NPBWR1: variants seen among roughly 807,000 people sequenced by gnomAD.
NPBWR1 encodes the protein neuropeptides B and W receptor 1.
Under a neutral mutation model 2.8 loss-of-function variants are expected in NPBWR1, and 4 were observed. The ratio of observed to expected loss-of-function variants is 1.44; its 90% CI spans 0.71 to 3.29. The LOEUF (loss-of-function observed/expected upper bound fraction) is 3.29, where lower values mean the gene tolerates loss of function less well. Ranked by LOEUF, NPBWR1 falls within the 30% of genes most tolerant of loss-of-function variation. NPBWR1 has a pLI of 0.01. For synonymous variants in NPBWR1, 250 were observed against 224.5 expected (o/e 1.11, Z -1.02); for missense variants, 545 against 462.5 (o/e 1.18, Z -1.64).
Position 52,940,889 on chromosome 8 carries a change from G to A in NPBWR1, c.982G>A (p.Ala328Thr). ...CCAGCTGATAACTTGCCGCGCGGCA[G>A]CCTGACTCCCCCAGCGTCCGGCTCC... The part of the protein sequence containing the change: ...LRQLITCRAA[A>T] Residue 328 changes from alanine (A) to threonine (T), a missense_variant, in exon 2 of 2, where the codon GCC becomes ACC. Coordinates refer to ENST00000674939, the MANE Select transcript of NPBWR1 (RefSeq NM_005285.5). 6.3e-7 allele frequency: 1 copy of A among 1,597,688 alleles called. No homozygotes were observed. The highest frequency in any genetic ancestry group is 8.5e-7 in the Non-Finnish European group (1 of 1,172,452).
chr8:52,940,361 T>G lies in NPBWR1; in HGVS notation c.454T>G (p.Tyr152Asp), dbSNP rs754266028. The change falls in exon 2 of 2, where the codon TAC (tyrosine) becomes GAC (aspartate). Residue 152 changes from tyrosine to aspartate, a missense_variant. Coordinates refer to ENST00000674939, the MANE Select transcript of NPBWR1 (RefSeq NM_005285.5). ...AESRRVAGRT[Y>D]SAARAVSLAV... ...GTCGCGCCGGGTGGCCGGCCGCACC[T>G]ACAGCGCCGCGCGCGCGGTGAGCCT... The G allele has an allele frequency of 1.2e-6, 2 of 1,606,408 alleles. No homozygotes were observed. The highest frequency in any genetic ancestry group is 8.5e-7 in the Non-Finnish European group (1 of 1,178,836).
At position 52,939,930 on chromosome 8, in the gene NPBWR1, A is replaced by G. The variant is rs1460788756; in HGVS notation, c.23A>G (p.Glu8Gly). The G allele has an allele frequency of 3.2e-6, 5 of 1,554,468 alleles. No homozygotes were observed. Among genetic ancestry groups the G allele is most frequent in the Middle Eastern group, 2.0e-4 (1 of 5,022 alleles). MDNASFSEPWPANASGPD... is the reference protein window; with the variant it reads MDNASFSGPWPANASGPD... ...GAGATGGACAACGCCTCGTTCTCGG[A>G]GCCCTGGCCCGCCAACGCATCGGGC... Residue 8 changes from glutamate to glycine, a missense_variant, in exon 2 of 2, where the codon GAG becomes GGG. Transcript: ENST00000674939.
chr8:52,939,949 A>G lies in NPBWR1; in HGVS notation c.42A>G (p.Ala14=). ...ASFSEPWPAN[A]SGPDPALSCS... is the part of the protein sequence containing the mutation. ...TCTCGGAGCCCTGGCCCGCCAACGC[A>G]TCGGGCCCGGACCCGGCGCTGAGCT... The change falls in exon 2 of 2, where the codon GCA becomes GCG. Residue 14 remains alanine, a synonymous_variant. Transcript: ENST00000674939. 3 of 1,577,514 alleles carry G rather than the reference A, an allele frequency of 1.9e-6. No individual in the cohort carries two copies. Among genetic ancestry groups the G allele is most frequent in the Non-Finnish European group, 2.6e-6 (3 of 1,168,176 alleles).
chr8:52,940,780 C>A lies in NPBWR1; in HGVS notation c.873C>A (p.Phe291Leu). The A allele has an allele frequency of 1.2e-6, 2 of 1,614,122 alleles. No individual in the cohort carries two copies. The highest frequency in any genetic ancestry group is 3.3e-4 in the Middle Eastern group (2 of 6,062). Residue 291 changes from phenylalanine (F) to leucine (L), a missense_variant, in exon 2 of 2, where the codon TTC becomes TTA. Transcript: ENST00000674939. ...CGCTGGTCATCGCTATCTCCTACTTCATCACCAGCCTGAGCTACGCCAACA... is the reference window on the plus strand; with the variant it reads ...CGCTGGTCATCGCTATCTCCTACTTAATCACCAGCCTGAGCTACGCCAACA... ...QTPLVIAISYFITSLSYANSC... is the reference protein window; with the variant it reads ...QTPLVIAISYLITSLSYANSC...
At position 52,942,687 on chromosome 8, in the gene NPBWR1, T is replaced by C. The variant is rs1354637164; in HGVS notation, c.*1793T>C. ...AAACCCCCTCTCTAATTTTGGTGAA[T>C]AAGAATTGCTTTCTTAGCTCTCAGA... On this transcript the variant is annotated 3_prime_UTR_variant, in exon 2 of 2. Coordinates refer to ENST00000674939, the MANE Select transcript of NPBWR1 (RefSeq NM_005285.5). Among the ~76,000 whole-genome samples the C allele has an allele frequency of 1.3e-5, 2 of 152,216 alleles. No homozygotes were observed. Among genetic ancestry groups the C allele is most frequent in the East Asian group, 3.9e-4 (2 of 5,194 alleles).
In NPBWR1 at chr8:52,940,628, G is replaced by T; in HGVS notation, c.721G>T (p.Ala241Ser). Residue 241 changes from alanine (A) to serine (S), a missense_variant, in exon 2 of 2, where the codon GCC (alanine) becomes TCC (serine). Coordinates refer to ENST00000674939, the MANE Select transcript of NPBWR1 (RefSeq NM_005285.5). ...HAMRLDSHAK[A>S]LERAKKRVTF... ...CATGCGGCTGGACAGCCACGCCAAG[G>T]CCCTGGAGCGCGCCAAGAAGCGGGT... 6.2e-7 allele frequency: 1 copy of T among 1,608,554 alleles called. No individual in the cohort carries two copies. The highest frequency in any genetic ancestry group is 8.5e-7 in the Non-Finnish European group (1 of 1,178,758).
chr8:52,939,587 G>A, intron 1 of NPBWR1, 124 bp from the exon 2 acceptor site: 1 of 361,160 alleles, frequency 2.8e-6, no homozygotes, highest in Non-Finnish European at 4.9e-6. Context: ...ACAGGTAGCA[G>A]AGAGCGCTCA....
Position 52,941,441 on chromosome 8 carries a change from C to T in NPBWR1, c.*547C>T, listed in dbSNP as rs978490885. Among the ~76,000 whole-genome samples the T allele has an allele frequency of 6.6e-6, 1 of 152,178 alleles. No homozygotes were observed. The highest frequency in any genetic ancestry group is 2.4e-5 in the African/African-American group (1 of 41,458). ...GTTTGGCGCCCACCCCTGTGAGACC[C>T]GCTTGGCCTGGCGCCGCGGGCGGGG... On this transcript the variant is annotated 3_prime_UTR_variant, in exon 2 of 2. Transcript: ENST00000674939.
rs959837906 is a variant in NPBWR1, at chr8:52,942,657, G to A, written c.*1763G>A. The stretch of plus-strand genomic sequence containing the variant: ...AAAAAACTCCCCCTTGGAATGGGGG[G>A]AAGCAAACCCCCTCTCTAATTTTGG... On this transcript the variant is annotated 3_prime_UTR_variant, in exon 2 of 2. Transcript: ENST00000674939. Among the ~76,000 whole-genome samples, 14 of 152,172 alleles carry A rather than the reference G, an allele frequency of 9.2e-5. No homozygotes were observed. The highest frequency in any genetic ancestry group is 9.2e-4 in the Admixed American group (14 of 15,282).
chr8:52,940,754 C>G lies in NPBWR1; in HGVS notation c.847C>G (p.Pro283Ala). 1 of 1,614,074 alleles carries G rather than the reference C, an allele frequency of 6.2e-7. No homozygotes were observed. Among genetic ancestry groups the G allele is most frequent in the South Asian group, 1.1e-5 (1 of 91,090 alleles). Residue 283 changes from proline to alanine, a missense_variant, in exon 2 of 2, where the codon CCG becomes GCG. By Grantham distance (27) the Pro-to-Ala change is conservative. Transcript: ENST00000674939. ...GCTCACCACCGACCTCCCGCAGACG[C>G]CGCTGGTCATCGCTATCTCCTACTT... The part of the protein sequence containing the change: ...VALTTDLPQT[P>A]LVIAISYFIT...
chr8:52,940,492 C>A lies in NPBWR1; in HGVS notation c.585C>A (p.Pro195=). The A allele has an allele frequency of 1.3e-6, 2 of 1,584,878 alleles. No individual in the cohort carries two copies. Among genetic ancestry groups the A allele is most frequent in the South Asian group, 1.1e-5 (1 of 88,574 alleles). ...AGTGCGTGCTAGTCTTTCCGCAGCC[C>A]GAGGCCTTCTGGTGGCGCGCGAGCC... ...RRQCVLVFPQ[P]EAFWWRASRL... Residue 195 remains proline, a synonymous_variant, in exon 2 of 2, where the codon CCC becomes CCA. Transcript: ENST00000674939.
At position 52,943,320 on chromosome 8, in the gene NPBWR1, G is replaced by T. The variant is rs1802912525; in HGVS notation, c.*2426G>T. 6.6e-6 allele frequency among the ~76,000 whole-genome samples: 1 copy of T among 152,194 alleles called. No homozygotes were observed. The highest frequency in any genetic ancestry group is 1.5e-5 in the Non-Finnish European group (1 of 68,024). ...TGAGTATGCCTGTGGGATTAATCAG[G>T]TCTCAGCAGTTGAGTTCCTCCTGGG... On this transcript the variant is annotated 3_prime_UTR_variant, in exon 2 of 2. Coordinates refer to ENST00000674939, the MANE Select transcript of NPBWR1 (RefSeq NM_005285.5).
In NPBWR1 at chr8:52,941,163, G is replaced by A. The variant is rs930224080; in HGVS notation, c.*269G>A. 7.6e-6 allele frequency: 4 copies of A among 528,214 alleles called. No homozygotes were observed. Among genetic ancestry groups the A allele is most frequent in the African/African-American group, 3.8e-5 (2 of 52,482 alleles). 32.7% of individuals were successfully genotyped at this position (528,214 alleles called of 1,614,324 possible). A position where few individuals can be genotyped will look rare whatever the true frequency, so the allele number is the denominator to read the frequency against. On this transcript the variant is annotated 3_prime_UTR_variant, in exon 2 of 2. Coordinates refer to ENST00000674939, the MANE Select transcript of NPBWR1 (RefSeq NM_005285.5). ...GCTCCCTAAAGCCGAGGTGGAGGAA[G>A]AGGAGGGTAGAGGAGGAGGGCGGTA... is the stretch of plus-strand genomic sequence containing the variant.
At position 52,940,909 on chromosome 8, in the gene NPBWR1, G is replaced by A. The variant is rs1254421920; in HGVS notation, c.*15G>A. On this transcript the variant is annotated 3_prime_UTR_variant, in exon 2 of 2. Coordinates refer to ENST00000674939, the MANE Select transcript of NPBWR1 (RefSeq NM_005285.5). ...CGGCAGCCTGACTCCCCCAGCGTCCGGCTCCGCAACTGCCCGCCACTCCTG... is the reference window on the plus strand; with the variant it reads ...CGGCAGCCTGACTCCCCCAGCGTCCAGCTCCGCAACTGCCCGCCACTCCTG... 6.4e-7 allele frequency: 1 copy of A among 1,570,598 alleles called. No individual in the cohort carries two copies. Among genetic ancestry groups the A allele is most frequent in the Non-Finnish European group, 8.6e-7 (1 of 1,160,458 alleles).
Position 52,942,763 on chromosome 8 carries a change from A to T in NPBWR1, c.*1869A>T, listed in dbSNP as rs1366971727. On this transcript the variant is annotated 3_prime_UTR_variant, in exon 2 of 2. Coordinates refer to ENST00000674939, the MANE Select transcript of NPBWR1 (RefSeq NM_005285.5). ...ATAGCCATCAGTTTAGAAAATATAC[A>T]TTAAAAAACCTTCTGTCTTGGGTGG... Among the ~76,000 whole-genome samples the T allele has an allele frequency of 6.6e-6, 1 of 152,214 alleles. No homozygotes were observed. Among genetic ancestry groups the T allele is most frequent in the East Asian group, 1.9e-4 (1 of 5,196 alleles).
At position 52,940,404 on chromosome 8, in the gene NPBWR1, T is replaced by C; in HGVS notation, c.497T>C (p.Val166Ala). Residue 166 changes from valine to alanine, a missense_variant, in exon 2 of 2, where the codon GTC becomes GCC. Physicochemically the swap from Val to Ala is moderately conservative, Grantham distance 64. Coordinates refer to ENST00000674939, the MANE Select transcript of NPBWR1 (RefSeq NM_005285.5). ...GTGAGCCTGGCCGTGTGGGGGATCG[T>C]CACACTCGTCGTGCTGCCCTTCGCA... ...RAVSLAVWGI[V>A]TLVVLPFAVF... The C allele has an allele frequency of 6.2e-7, 1 of 1,601,664 alleles. No homozygotes were observed.
Position 52,940,008 on chromosome 8 carries a change from C to T in NPBWR1, c.101C>T (p.Ala34Val), listed in dbSNP as rs1454110790. 5 of 1,604,270 alleles carry T rather than the reference C, an allele frequency of 3.1e-6. No homozygotes were observed. In the African/African-American group the frequency reaches 6.7e-5, roughly 21 times the overall value. ...SNASTLAPLP[A>V]PLAVAVPVVY... is the part of the protein sequence containing the mutation. Reference sequence around the variant, plus strand: ...GCGTCGACTCTGGCGCCGCTGCCGGCGCCGCTGGCGGTGGCTGTACCAGTT... The same window carrying T: ...GCGTCGACTCTGGCGCCGCTGCCGGTGCCGCTGGCGGTGGCTGTACCAGTT... The change falls in exon 2 of 2, where the codon GCG becomes GTG. Residue 34 changes from alanine (A) to valine (V), a missense_variant. By Grantham distance (64) the Ala-to-Val change is moderately conservative. Transcript: ENST00000674939.
intron 1 of NPBWR1, 92 bp from the exon 2 acceptor site, chr8:52,939,619 C>A: frequency 2.5e-6 from 1 of 401,890 alleles, no homozygotes; most frequent in Non-Finnish European, 4.4e-6. Flanking sequence ...TTTGGGGCGC[C>A]GCGGCGCCAC....
rs1802901695 is a variant in NPBWR1, at chr8:52,942,690, G to A, written c.*1796G>A. Among the ~76,000 whole-genome samples, 2 of 152,172 alleles carry A rather than the reference G, an allele frequency of 1.3e-5. No individual in the cohort carries two copies. Among genetic ancestry groups the A allele is most frequent in the South Asian group, 4.1e-4 (2 of 4,830 alleles). On this transcript the variant is annotated 3_prime_UTR_variant, in exon 2 of 2. Transcript: ENST00000674939. Reference sequence around the variant, plus strand: ...CCCCCTCTCTAATTTTGGTGAATAAGAATTGCTTTCTTAGCTCTCAGAGTT... The same window carrying A: ...CCCCCTCTCTAATTTTGGTGAATAAAAATTGCTTTCTTAGCTCTCAGAGTT...
Sources: gnomAD v4.1 joint callset for allele counts (sites outside exome capture counted in the v4.1 genomes callset) on GRCh38, gnomAD v4.1.1 for gene constraint, MANE v1.5 for transcripts, NCBI Gene and HGNC (gene_info 2026-07-23, HGNC 2026-07-21) for gene names.